The following MCM9 variants were observed in gnomAD, a reference collection of about 807,000 sequenced individuals.
MCM9 encodes the protein minichromosome maintenance 9 homologous recombination repair factor.
A neutral mutation model predicts 72.8 loss-of-function variants in MCM9; 55 were observed. That is an observed-to-expected ratio of 0.76 (90% CI 0.61 to 0.95). The LOEUF is 0.95. Among genes scored for constraint, MCM9 ranks in the 40% least tolerant of loss-of-function variants. The pLI is 0.00. For synonymous variants in MCM9, 480 were observed against 503.4 expected (o/e 0.95, Z 0.62); for missense variants, 1,279 against 1,377.0 (o/e 0.93, Z 1.13).
rs143807624 is a variant in MCM9, at chr6:118,859,093, A to C, written c.1151-2548T>G. On this transcript the variant is annotated intron_variant, in intron 8 of 13. Transcript: ENST00000619706. The stretch of plus-strand genomic sequence containing the variant: ...AGAACACTGGAACAGAACAGAATCC[A>C]AAAGTTGTCCCACACATAGAAGGTC... 4.7e-3 allele frequency among the ~76,000 whole-genome samples: 712 copies of C among 152,328 alleles called. 3 individuals are homozygous for C. Among genetic ancestry groups the C allele is most frequent in the Middle Eastern group, 0.024 (7 of 294 alleles).
At chr6:118,930,945 G>A (rs1229344005) in intron 3 of MCM9, among the ~76,000 whole-genome samples, 1 of 152,174 alleles carries the variant, frequency 6.6e-6, no homozygotes, top group Non-Finnish European at 1.5e-5. Context: ...TAACAATTAA[G>A]ATGCTTTATC....
Position 118,815,501 on chromosome 6 carries a change from T to C in MCM9, c.2755A>G (p.Lys919Glu), listed in dbSNP as rs902793277. The C allele has an allele frequency of 1.9e-5, 29 of 1,547,614 alleles. No individual in the cohort carries two copies. The highest frequency in any genetic ancestry group is 2.5e-5 in the Non-Finnish European group (29 of 1,146,038). The change falls in exon 14 of 14, where the codon AAA becomes GAA. Residue 919 changes from lysine (K) to glutamate (E), a missense_variant. By Grantham distance (56) the Lys-to-Glu change is moderately conservative. Transcript: ENST00000619706. ...TGCTTGAAAGTAAATTTTGCCAGTT[T>C]GGCCACAGGGGAACCTGGAGGCTTA... ...NVKPPGSPVAKLAKFTFKQKS... is the reference protein window; with the variant it reads ...NVKPPGSPVAELAKFTFKQKS...
At chr6:118,864,954 G>A (rs777497199) in intron 8 of MCM9, among the ~76,000 whole-genome samples, 22 of 152,050 alleles carry the variant, frequency 1.4e-4, no homozygotes, top group Admixed American at 1.3e-4. Context: ...GTCTTCTAAC[G>A]AACTTGCTTC....
chr6:118,827,943 C>T lies in MCM9; in HGVS notation c.1716G>A (p.Leu572=). 1 of 1,550,998 alleles carries T rather than the reference C, an allele frequency of 6.4e-7. No homozygotes were observed. Among genetic ancestry groups the T allele is most frequent in the Non-Finnish European group, 8.7e-7 (1 of 1,147,090 alleles). The part of the protein sequence containing the change: ...ARTTIRLLES[L]IRLAEAHARL... ...GAAATAGACCTTCTGCTAATCGTAT[C>T]AAGCTTTCCAACAGCCGAATGGTGG... Residue 572 remains leucine (L), a synonymous_variant, in exon 11 of 14, where the codon TTG becomes TTA. Transcript: ENST00000619706.
chr6:118,870,096 T>A (rs931813018), intron 8 of MCM9, among the ~76,000 whole-genome samples: 1 of 152,196 alleles, frequency 6.6e-6, no homozygotes, highest in Non-Finnish European at 1.5e-5. Context: ...ACAGATCATT[T>A]AGACAGAAAA....
chr6:118,929,147 G>T (rs1450082879), intron 3 of MCM9, among the ~76,000 whole-genome samples: 2 of 152,304 alleles, frequency 1.3e-5, no homozygotes, highest in Non-Finnish European at 2.9e-5. Context: ...TTGAACCCAG[G>T]AGGCAGAGGT....
intron 8 of MCM9, among the ~76,000 whole-genome samples, chr6:118,877,637 A>G (rs1412259582): frequency 6.6e-6 from 1 of 152,226 alleles, no homozygotes; most frequent in Non-Finnish European, 1.5e-5. Flanking sequence ...GAGTTTGGCA[A>G]TATCTACAAA....
chr6:118,899,911 T>TTTGTA lies in MCM9; in HGVS notation c.1150+11734_1150+11738dup, dbSNP rs1160673340. On this transcript the variant is annotated intron_variant, in intron 8 of 13. Transcript: ENST00000619706. ...AGATGAAGAGGTCTCTCAGAGATGGTTTGTATTACAAAGTTATCTTCTTCC... is the reference window on the plus strand; with the variant it reads ...AGATGAAGAGGTCTCTCAGAGATGGTTTGTATTGTATTACAAAGTTATCTTCTTCC... Among the ~76,000 whole-genome samples, 5 of 152,292 alleles carry TTTGTA rather than the reference T, an allele frequency of 3.3e-5. No homozygotes were observed. In the East Asian group the frequency reaches 9.7e-4, roughly 29 times the overall value.
intron 13 of MCM9, among the ~76,000 whole-genome samples, chr6:118,824,628 C>T (rs1219886688): frequency 6.6e-6 from 1 of 152,094 alleles, no homozygotes; most frequent in Non-Finnish European, 1.5e-5. Flanking sequence ...TTTTGAGGCA[C>T]ATAGAATGGC....
intron 8 of MCM9, among the ~76,000 whole-genome samples, chr6:118,873,970 T>G (rs1777775175): frequency 6.6e-6 from 1 of 152,098 alleles, no homozygotes; most frequent in Non-Finnish European, 1.5e-5. Context: ...AAAAATCAAT[T>G]AAGGCTGGGG....
rs1781652385 is a variant in MCM9 at position 118,923,952 on chromosome 6, A to G, written c.480T>C (p.Phe160=). 6.2e-7 allele frequency: 1 copy of G among 1,614,230 alleles called. No homozygotes were observed. The highest frequency in any genetic ancestry group is 8.5e-7 in the Non-Finnish European group (1 of 1,180,022). ...GCCGGCAAAAGGTGTAATACTGCTC[A>G]AAGTCAGCCTTGATCACAAACACAT... is the stretch of plus-strand genomic sequence containing the variant. ...CKHVFVIKAD[F]EQYYTFCRPS... Residue 160 remains phenylalanine, a synonymous_variant, in exon 4 of 14, where the codon TTT becomes TTC. Transcript: ENST00000619706.
intron 9 of MCM9, among the ~76,000 whole-genome samples, chr6:118,837,755 T>C (rs1000710904): frequency 2.0e-5 from 3 of 152,206 alleles, no homozygotes; most frequent in East Asian, 1.9e-4. Flanking sequence ...ATGTGTGTAT[T>C]TGCACGTGAG....
chr6:118,885,648 A>T (rs886557355), intron 8 of MCM9, among the ~76,000 whole-genome samples: 8 of 152,220 alleles, frequency 5.3e-5, no homozygotes, highest in South Asian at 2.1e-4. Context: ...TAGACTATAA[A>T]CACAGAGGCA....
intron 8 of MCM9, among the ~76,000 whole-genome samples, chr6:118,880,943 A>G (rs1485966816): frequency 1.3e-5 from 2 of 152,210 alleles, no homozygotes; most frequent in Non-Finnish European, 2.9e-5. Flanking sequence ...CCCTATACAC[A>G]CTATGTTTTT....
At chr6:118,817,949 C>T (rs1003945063) in intron 13 of MCM9, among the ~76,000 whole-genome samples, 1 of 152,096 alleles carries the variant, frequency 6.6e-6, no homozygotes, top group African/African-American at 2.4e-5. Flanking sequence ...TGGGAAGTGT[C>T]TGTTCATATC....
intron 8 of MCM9, among the ~76,000 whole-genome samples, chr6:118,895,224 CG>C (rs1244785973): frequency 6.6e-6 from 1 of 151,888 alleles, no homozygotes; most frequent in Admixed American, 6.6e-5. Context: ...CGGCGCTCCC[CG>C]GGGGCCGTGG....
intron 7 of MCM9, 87 bp downstream of exon 7, chr6:118,913,208 C>G: frequency 6.8e-7 from 1 of 1,468,480 alleles, no homozygotes; most frequent in Non-Finnish European, 9.3e-7. Flanking sequence ...AAATAAAACC[C>G]AACGAGCAGT....
intron 8 of MCM9, among the ~76,000 whole-genome samples, chr6:118,897,569 C>T (rs1023473501): frequency 6.6e-6 from 1 of 152,168 alleles, no homozygotes; most frequent in Non-Finnish European, 1.5e-5. Flanking sequence ...ATACTTTCCA[C>T]TAGACCACAG....
rs1028468298 is a variant in MCM9 at position 118,870,236 on chromosome 6, C to T, written c.1151-13691G>A. Among the ~76,000 whole-genome samples the T allele has an allele frequency of 6.6e-5, 10 of 152,230 alleles. No individual in the cohort carries two copies. In the South Asian group the frequency reaches 8.3e-4, roughly 13 times the overall value. ...GGAATACACAAAATATTCTCCAAGA[C>T]GCATCACATGTTAGACCACAAAACA... On this transcript the variant is annotated intron_variant, in intron 8 of 13. Transcript: ENST00000619706.
Sources: allele counts gnomAD v4.1 joint callset (sites outside exome capture counted in the v4.1 genomes callset), GRCh38; gene constraint gnomAD v4.1.1; transcripts MANE v1.5; gene names NCBI Gene and HGNC (gene_info 2026-07-23, HGNC 2026-07-21).